Variants in USP8 observed in about 807,000 individuals in gnomAD.
USP8 encodes ubiquitin carboxyl-terminal hydrolase 8.
Under a neutral mutation model 130.0 loss-of-function variants are expected in USP8, and 27 were observed. The ratio of observed to expected loss-of-function variants is 0.21; its 90% CI spans 0.15 to 0.29. USP8 has a LOEUF of 0.29. Among genes scored for constraint, USP8 ranks in the 10% least tolerant of loss-of-function variants. USP8 has a pLI of 1.00. For missense variants in USP8, 1,029 were observed against 1,312.2 expected (o/e 0.78, Z 3.33); for synonymous variants, 392 against 444.1 (o/e 0.88, Z 1.48).
At chr15:50,449,139 T>C (rs1450451118) in intron 3 of USP8, among the ~76,000 whole-genome samples, 1 of 152,262 alleles carries the variant, frequency 6.6e-6, no homozygotes, top group Non-Finnish European at 1.5e-5. Flanking sequence ...ATGTTATTTA[T>C]ACTTTTTAAC....
Position 50,430,661 on chromosome 15 carries a change from CTTAA to C in USP8, c.-66+6151_-66+6154del, listed in dbSNP as rs1362306004. 3.9e-5 allele frequency among the ~76,000 whole-genome samples: 6 copies of C among 152,088 alleles called. No individual in the cohort carries two copies. In the East Asian group the frequency reaches 9.6e-4, roughly 24 times the overall value. On this transcript the variant is annotated intron_variant, in intron 1 of 19. Coordinates refer to ENST00000307179, the MANE Select transcript of USP8 (RefSeq NM_005154.5). The stretch of plus-strand genomic sequence containing the variant: ...AGATAACATAATTTTGGTGTCAATA[CTTAA>C]TTATCTTCCAAAACAATAGGGATTA...
At chr15:50,483,521 G>A (rs981623734) in intron 11 of USP8, among the ~76,000 whole-genome samples, 6 of 152,314 alleles carry the variant, frequency 3.9e-5, no homozygotes, top group South Asian at 4.1e-4. Flanking sequence ...CGGGCCGGGC[G>A]CGTTGGCCCA....
rs2052573961 is a variant in USP8 at position 50,500,926 on chromosome 15, A to C, written c.*1838A>C. 1 of 1,088,054 alleles carries C rather than the reference A, an allele frequency of 9.2e-7. No individual in the cohort carries two copies. The highest frequency in any genetic ancestry group is 1.4e-6 in the Non-Finnish European group (1 of 732,016). The allele number at this position is 1,088,054 out of a possible 1,614,324, so 67.4% of individuals were successfully genotyped here. A position where few individuals can be genotyped will look rare whatever the true frequency, so the allele number is the denominator to read the frequency against. On this transcript the variant is annotated 3_prime_UTR_variant, in exon 20 of 20. Coordinates refer to ENST00000307179, the MANE Select transcript of USP8 (RefSeq NM_005154.5). Reference sequence around the variant, plus strand: ...TGATAGGGCCAAGAGATGCTTTTTAAATTGTCCCTTATTCTAAATTAAAAG... The same window carrying C: ...TGATAGGGCCAAGAGATGCTTTTTACATTGTCCCTTATTCTAAATTAAAAG...
intron 1 of USP8, among the ~76,000 whole-genome samples, chr15:50,428,847 T>C (rs1483258501): frequency 6.6e-6 from 1 of 152,216 alleles, no homozygotes; most frequent in Non-Finnish European, 1.5e-5. Context: ...CAACTTCTTT[T>C]TGACATACGT....
chr15:50,485,973 G>A (rs1291608455), intron 12 of USP8, among the ~76,000 whole-genome samples: 1 of 152,056 alleles, frequency 6.6e-6, no homozygotes, highest in African/African-American at 2.4e-5. Flanking sequence ...CACATGTTCA[G>A]TACACCCAGA....
In USP8 at chr15:50,481,699, A is replaced by G. The variant is rs1473832493; in HGVS notation, c.1437A>G (p.Glu479=). 1.9e-6 allele frequency: 3 copies of G among 1,612,242 alleles called. No individual in the cohort carries two copies. The highest frequency in any genetic ancestry group is 2.5e-6 in the Non-Finnish European group (3 of 1,179,752). Residue 479 remains glutamate (E), a synonymous_variant, in exon 11 of 20, where the codon GAA becomes GAG. Coordinates refer to ENST00000307179, the MANE Select transcript of USP8 (RefSeq NM_005154.5). ...TALLMEKNKQ[E]KELRERQQEE... ...TTCTAATGGAAAAAAACAAACAAGA[A>G]AAAGAACTTCGGGAAAGGCAGCAAG...
intron 4 of USP8, among the ~76,000 whole-genome samples, chr15:50,454,441 G>C (rs1234849648): frequency 6.7e-6 from 1 of 149,034 alleles, no homozygotes; most frequent in Non-Finnish European, 1.5e-5. Flanking sequence ...TTTCAGATTG[G>C]ATAATTTTCT....
intron 1 of USP8, among the ~76,000 whole-genome samples, chr15:50,434,104 T>TTTG (rs2050021538): frequency 6.7e-6 from 1 of 148,710 alleles, no homozygotes; most frequent in Non-Finnish European, 1.5e-5. Flanking sequence ...AGCATAAGGT[T>TTTG]TTTTGTTTTG....
chr15:50,458,977 T>C, intron 4 of USP8, 23 bp from the exon 5 acceptor site: 1 of 1,610,718 alleles, frequency 6.2e-7, no homozygotes. Flanking sequence ...TAAAAGACAA[T>C]CTTGACTTAT....
intron 1 of USP8, among the ~76,000 whole-genome samples, chr15:50,437,334 T>A (rs74529655): frequency 0.021 from 3,244 of 152,314 alleles, 104 homozygotes; most frequent in African/African-American, 0.073. Context: ...AATGTTGCGT[T>A]TAACATTTTC....
At chr15:50,491,416 A>AT (rs1234708084) in intron 14 of USP8, among the ~76,000 whole-genome samples, 1 of 152,190 alleles carries the variant, frequency 6.6e-6, no homozygotes, top group Non-Finnish European at 1.5e-5. Context: ...CTTGTTATAG[A>AT]TTTTAGAGTT....
At chr15:50,482,993 AC>A (rs2051829274) in intron 11 of USP8, among the ~76,000 whole-genome samples, 1 of 152,090 alleles carries the variant, frequency 6.6e-6, no homozygotes, top group Non-Finnish European at 1.5e-5. Flanking sequence ...CCTTCTAAAC[AC>A]CCCAAATTGG....
intron 6 of USP8, among the ~76,000 whole-genome samples, chr15:50,463,200 G>A (rs997487494): frequency 1.3e-5 from 2 of 152,098 alleles, no homozygotes; most frequent in Non-Finnish European, 2.9e-5. Context: ...AGTGAGCCAC[G>A]ATCACACCAC....
chr15:50,456,139 C>G (rs1391838847), intron 4 of USP8, among the ~76,000 whole-genome samples: 1 of 152,172 alleles, frequency 6.6e-6, no homozygotes, highest in Non-Finnish European at 1.5e-5. Flanking sequence ...TTAGAATTCT[C>G]TTTCCTACCT....
rs900169581 is a variant in USP8, at chr15:50,505,840, C to G, written c.*6752C>G. ...CATGCACAGTAGCATGCCTGTAGTC[C>G]CAGCTACTTGGCAGGCAGAGGCAGG... On this transcript the variant is annotated 3_prime_UTR_variant, in exon 20 of 20. Transcript: ENST00000307179. 1 of 152,234 alleles carries G rather than the reference C, an allele frequency of 6.6e-6. No individual in the cohort carries two copies. The highest frequency in any genetic ancestry group is 2.1e-4 in the South Asian group (1 of 4,828). The allele number at this position is 152,234 out of a possible 1,614,324, so 9.4% of individuals were successfully genotyped here. A position where few individuals can be genotyped will look rare whatever the true frequency, so the allele number is the denominator to read the frequency against.
intron 17 of USP8, among the ~76,000 whole-genome samples, chr15:50,496,712 A>ACC (rs2052426942): frequency 6.6e-6 from 1 of 152,230 alleles, no homozygotes; most frequent in Non-Finnish European, 1.5e-5. Flanking sequence ...CATTTGCTTT[A>ACC]CATGGGGATA....
chr15:50,424,637 G>A (rs577584769), intron 1 of USP8, 123 bp downstream of exon 1: 1 of 396,754 alleles, frequency 2.5e-6, no homozygotes, highest in South Asian at 1.4e-4. Context: ...GCGGAGAGGA[G>A]TGGGACAACT....
intron 17 of USP8, chr15:50,496,842 A>C: frequency 3.0e-6 from 1 of 332,858 alleles, no homozygotes; most frequent in East Asian, 4.7e-5. Context: ...TCTCTGATTG[A>C]CCAGGTTAGG....
intron 1 of USP8, among the ~76,000 whole-genome samples, chr15:50,437,469 G>T (rs538793095): frequency 6.6e-6 from 1 of 152,098 alleles, no homozygotes; most frequent in Non-Finnish European, 1.5e-5. Context: ...TCAACATTGC[G>T]GGGGATGGGC....
Sources: gnomAD v4.1 joint callset for allele counts (sites outside exome capture counted in the v4.1 genomes callset) on GRCh38, gnomAD v4.1.1 for gene constraint, MANE v1.5 for transcripts, NCBI Gene and HGNC (gene_info 2026-07-23, HGNC 2026-07-21) for gene names.